Variants in CUX2 observed in about 807,000 individuals in gnomAD.
CUX2 encodes the protein cut like homeobox 2.
A neutral mutation model predicts 144.8 loss-of-function variants in CUX2; 40 were observed. The observed-to-expected ratio is 0.28, with a 90% CI of 0.21 to 0.36. The LOEUF (loss-of-function observed/expected upper bound fraction) is 0.36, where lower values mean the gene tolerates loss of function less well. CUX2 is among the 10% of genes least tolerant of loss of function. The probability of loss-of-function intolerance (pLI) is 1.00; values close to 1 mark genes in which losing one functional copy is unlikely to be tolerated. For missense variants in CUX2, 1,615 were observed against 1,994.0 expected (o/e 0.81, Z 3.62); for synonymous variants, 827 against 875.6 (o/e 0.94, Z 0.98).
At chr12:111,046,865 C>T (rs1250354450) in intron 1 of CUX2, among the ~76,000 whole-genome samples, 1 of 152,224 alleles carries the variant, frequency 6.6e-6, no homozygotes, top group Non-Finnish European at 1.5e-5. Flanking sequence ...CCACGTCGGC[C>T]AGGCTGGTCT....
chr12:111,054,560 CT>C (rs202020031), intron 1 of CUX2, among the ~76,000 whole-genome samples: 5,998 of 152,188 alleles, frequency 0.039, 403 homozygotes, highest in African/African-American at 0.14. Context: ...CCAAGGGTGG[CT>C]TATGTGACTC....
intron 3 of CUX2, among the ~76,000 whole-genome samples, chr12:111,243,992 G>T (rs573051858): frequency 1.3e-5 from 2 of 152,336 alleles, no homozygotes; most frequent in African/African-American, 4.8e-5. Flanking sequence ...TGGACCAGGG[G>T]CTGATGCTGG....
intron 3 of CUX2, among the ~76,000 whole-genome samples, chr12:111,227,001 C>T (rs1882183560): frequency 6.6e-6 from 1 of 152,234 alleles, no homozygotes; most frequent in Non-Finnish European, 1.5e-5. Context: ...TCTCTCAGTG[C>T]TCACGTCTGC....
chr12:111,102,303 G>A (rs750155714), intron 1 of CUX2, among the ~76,000 whole-genome samples: 1 of 152,232 alleles, frequency 6.6e-6, no homozygotes, highest in Non-Finnish European at 1.5e-5. Flanking sequence ...GGAGCCAGCC[G>A]ACAAGGAAGC....
chr12:111,145,833 T>TTTTG (rs112832532), intron 1 of CUX2, among the ~76,000 whole-genome samples: 4,611 of 151,758 alleles, frequency 0.03, 230 homozygotes, highest in African/African-American at 0.1. Flanking sequence ...CACCCAGCTT[T>TTTTG]TTTGTTTGTT....
In CUX2 at chr12:111,292,447, G is replaced by A. The variant is rs369600895; in HGVS notation, c.436+895G>A. On this transcript the variant is annotated intron_variant, in intron 5 of 21. Transcript: ENST00000261726. ...TCTACTAAAAATACAAAAATTCACC[G>A]GGTTTGGTGGCTCACACCTGTAATC... Among the ~76,000 whole-genome samples, 7 of 152,160 alleles carry A rather than the reference G, an allele frequency of 4.6e-5. 1 individual carries two copies. In the South Asian group the frequency reaches 1.2e-3, roughly 27 times the overall value.
chr12:111,284,952 T>C (rs927511598), intron 4 of CUX2, among the ~76,000 whole-genome samples: 4 of 152,160 alleles, frequency 2.6e-5, no homozygotes, highest in Non-Finnish European at 5.9e-5. Flanking sequence ...CCCCTCCTGG[T>C]TGCTTCCTGG....
At chr12:111,330,578 A>C (rs565938266) in intron 18 of CUX2, among the ~76,000 whole-genome samples, 1 of 150,814 alleles carries the variant, frequency 6.6e-6, no homozygotes, top group South Asian at 2.1e-4. Context: ...CCATGCCTGT[A>C]ATCCCAACAC....
At position 111,263,745 on chromosome 12, in the gene CUX2, C is replaced by T; in HGVS notation, c.223-16C>T. 1 of 1,609,462 alleles carries T rather than the reference C, an allele frequency of 6.2e-7. No homozygotes were observed. Among genetic ancestry groups the T allele is most frequent in the Non-Finnish European group, 8.5e-7 (1 of 1,175,866 alleles). Reference sequence around the variant, plus strand: ...GCCATGGTTACACGTGACTCTTTCTCTTGTTGTCTCCAAAGGTGGTGGCCC... The same window carrying T: ...GCCATGGTTACACGTGACTCTTTCTTTTGTTGTCTCCAAAGGTGGTGGCCC... On this transcript the variant is annotated splice_polypyrimidine_tract_variant and intron_variant, in intron 3 of 21. Coordinates refer to ENST00000261726, the MANE Select transcript of CUX2 (RefSeq NM_015267.4). The surrounding 1 kb of genome is among the most constrained non-coding windows in gnomAD (Gnocchi z 4.0).
At chr12:111,134,833 G>A (rs1208232356) in intron 1 of CUX2, among the ~76,000 whole-genome samples, 2 of 152,174 alleles carry the variant, frequency 1.3e-5, no homozygotes, top group Non-Finnish European at 2.9e-5. Flanking sequence ...GAAAAACTGG[G>A]TGGGAAAGGG....
In CUX2 at chr12:111,061,893, A is replaced by G. The variant is rs539099740; in HGVS notation, c.63+27653A>G. 1.8e-3 allele frequency among the ~76,000 whole-genome samples: 271 copies of G among 152,294 alleles called. 1 individual carries two copies. The highest frequency in any genetic ancestry group is 6.2e-3 in the African/African-American group (256 of 41,550). On this transcript the variant is annotated intron_variant, in intron 1 of 21. Transcript: ENST00000261726. This position sits in a 1 kb window ranked among gnomAD's most constrained non-coding sequence, Gnocchi z 4.2. ...CCAGGCTTTAGAGTCAGGCACAGTC[A>G]AGTTCAAATTCTGCCCCTGCCAATA...
At chr12:111,268,051 C>T (rs1352108589) in intron 4 of CUX2, among the ~76,000 whole-genome samples, 4 of 152,146 alleles carry the variant, frequency 2.6e-5, no homozygotes, top group Admixed American at 6.5e-5. Context: ...CCCACCTCTG[C>T]CTCCTGAATA....
Position 111,263,621 on chromosome 12 carries a change from T to C in CUX2, c.223-140T>C. ...GCCTGGGCGACAGAGCAAGACTCTC[T>C]CTCAAAAACAAAACAAAACAAAACA... On this transcript the variant is annotated intron_variant, in intron 3 of 21. Transcript: ENST00000261726. This position sits in a 1 kb window ranked among gnomAD's most constrained non-coding sequence, Gnocchi z 4.0. The C allele has an allele frequency of 4.1e-6, 3 of 729,714 alleles. No homozygotes were observed. Among genetic ancestry groups the C allele is most frequent in the East Asian group, 5.0e-5 (2 of 40,016 alleles). 45.2% of individuals were successfully genotyped at this position (729,714 alleles called of 1,614,324 possible).
intron 19 of CUX2, 92 bp downstream of exon 19, chr12:111,334,802 C>A (rs1042335744): frequency 2.9e-6 from 4 of 1,377,576 alleles, no homozygotes; most frequent in East Asian, 2.4e-5. Context: ...GACCCAGTGG[C>A]TCATACCTGT....
At chr12:111,066,135 C>G (rs564575004) in intron 1 of CUX2, among the ~76,000 whole-genome samples, 3 of 152,352 alleles carry the variant, frequency 2.0e-5, no homozygotes, top group African/African-American at 7.2e-5. Flanking sequence ...GGGCACCTAT[C>G]TATCCCATGC....
intron 1 of CUX2, among the ~76,000 whole-genome samples, chr12:111,156,040 C>A (rs1449464360): frequency 6.6e-6 from 1 of 152,210 alleles, no homozygotes; most frequent in African/African-American, 2.4e-5. Context: ...TTGCTTTCTG[C>A]CTCCTGGTCC....
Position 111,348,459 on chromosome 12 carries a change from G to T in CUX2, c.*134G>T. On this transcript the variant is annotated 3_prime_UTR_variant, in exon 22 of 22. Transcript: ENST00000261726. ...TGGACAGCAATGTTATGCCGTTTAC[G>T]TTTTTTGTTGTAATCCTAGTTCTAT... 1.2e-6 allele frequency: 1 copy of T among 863,476 alleles called. No individual in the cohort carries two copies. Among genetic ancestry groups the T allele is most frequent in the Non-Finnish European group, 1.7e-6 (1 of 572,022 alleles). 53.5% of individuals were successfully genotyped at this position (863,476 alleles called of 1,614,324 possible).
rs911848342 is a variant in CUX2, at chr12:111,179,596, T to G, written c.64-34604T>G. On this transcript the variant is annotated intron_variant, in intron 1 of 21. Transcript: ENST00000261726. ...GGCTGATCTGAGCCATCGCCGTGGT[T>G]GTTGTTGTTGTTGTTGTTGTTGTTT... 9.6e-5 allele frequency among the ~76,000 whole-genome samples: 10 copies of G among 103,974 alleles called. No individual in the cohort carries two copies. In the East Asian group the frequency reaches 3.0e-3, roughly 31 times the overall value. The allele number at this position is 103,974 out of a possible 152,430, so 68.2% of individuals were successfully genotyped here.
rs1308876521 is a variant in CUX2, at chr12:111,322,308, C to T, written c.2767-113C>T. The T allele has an allele frequency of 8.8e-5, 102 of 1,160,756 alleles. No homozygotes were observed. The highest frequency in any genetic ancestry group is 1.1e-4 in the Non-Finnish European group (96 of 871,346). 71.9% of individuals were successfully genotyped at this position (1,160,756 alleles called of 1,614,324 possible). A position where few individuals can be genotyped will look rare whatever the true frequency, so the allele number is the denominator to read the frequency against. ...ACTCCATCCTGGGCGACAGACAAAG[C>T]GAGACTCTGCCTCAAAAAAAAAAAA... On this transcript the variant is annotated intron_variant, in intron 17 of 21. Coordinates refer to ENST00000261726, the MANE Select transcript of CUX2 (RefSeq NM_015267.4). This position sits in a 1 kb window ranked among gnomAD's most constrained non-coding sequence, Gnocchi z 4.2.
Sources: gnomAD v4.1 joint callset for allele counts (sites outside exome capture counted in the v4.1 genomes callset) on GRCh38, gnomAD v4.1.1 for gene constraint, Gnocchi (gnomAD v3.1) non-coding constraint, MANE v1.5 for transcripts, NCBI Gene and HGNC (gene_info 2026-07-23, HGNC 2026-07-21) for gene names.